The following SGCD variants were observed in gnomAD, a reference collection of about 807,000 sequenced individuals.
SGCD encodes sarcoglycan delta.
SGCD carries 18 observed loss-of-function variants against 36.6 expected under a neutral mutation model. That is an observed-to-expected ratio of 0.49 (90% CI 0.34 to 0.73). The LOEUF is 0.73. Among genes scored for constraint, SGCD ranks in the 30% least tolerant of loss-of-function variants. The probability of loss-of-function intolerance (pLI) is 0.01; values close to 1 mark genes in which losing one functional copy is unlikely to be tolerated. For missense variants in SGCD, 387 were observed against 346.7 expected, an observed-to-expected ratio of 1.12 and a Z score of -0.92; for synonymous variants, 133 against 130.6, an observed-to-expected ratio of 1.02 and a Z score of -0.12.
chr5:156,486,908 G>C (rs940114047), intron 3 of SGCD, among the ~76,000 whole-genome samples: 1 of 152,098 alleles, frequency 6.6e-6, no homozygotes, highest in Non-Finnish European at 1.5e-5. Context: ...AGGGTTCCAA[G>C]AATTGGTTCA....
At chr5:156,574,916 G>A (rs1759868296) in intron 4 of SGCD, among the ~76,000 whole-genome samples, 1 of 152,124 alleles carries the variant, frequency 6.6e-6, no homozygotes, top group Admixed American at 6.6e-5. Context: ...AAGCAACAGG[G>A]CCTCACTGAT....
chr5:156,317,940 C>T (rs905626952), intron 3 of SGCD, among the ~76,000 whole-genome samples: 1 of 152,066 alleles, frequency 6.6e-6, no homozygotes, highest in African/African-American at 2.4e-5. Flanking sequence ...AACTGTAAAC[C>T]CTTGCCAATT....
At chr5:155,858,999 T>C in the SGCD span, among the ~76,000 whole-genome samples, 1 of 151,786 alleles carries the variant, frequency 6.6e-6, no homozygotes, top group Admixed American at 6.6e-5. Flanking sequence ...ATCAGTTAAA[T>C]AGGGCATTGT....
intron 1 of SGCD, among the ~76,000 whole-genome samples, chr5:156,083,719 C>A (rs752955375): frequency 6.7e-6 from 1 of 149,646 alleles, no homozygotes; most frequent in Non-Finnish European, 1.5e-5. Flanking sequence ...TTATATTTTT[C>A]ATTTGTCTAT....
chr5:155,969,803 A>C (rs959633284), intron 1 of SGCD, among the ~76,000 whole-genome samples: 6 of 152,104 alleles, frequency 3.9e-5, no homozygotes, highest in African/African-American at 1.2e-4. Context: ...TATTGTTTAG[A>C]AAATCTTGCT....
At chr5:155,877,025 A>G (rs1407717965) in intron 1 of SGCD, among the ~76,000 whole-genome samples, 1 of 152,124 alleles carries the variant, frequency 6.6e-6, no homozygotes, top group Non-Finnish European at 1.5e-5. Flanking sequence ...TTATGGTTGT[A>G]CTGACATGCT....
chr5:156,708,279 TAAAA>T (rs35320814), intron 7 of SGCD, among the ~76,000 whole-genome samples: 106,224 of 149,018 alleles, frequency 0.71, 38,749 homozygotes, highest in African/African-American at 0.87. Flanking sequence ...AGCATTCTAT[TAAAA>T]AAAAAAAAAA....
intron 7 of SGCD, among the ~76,000 whole-genome samples, chr5:156,675,569 C>T (rs1173998536): frequency 6.6e-6 from 1 of 152,080 alleles, no homozygotes. Context: ...AAGGTATTTG[C>T]CTTTATATGA....
intron 1 of SGCD, among the ~76,000 whole-genome samples, chr5:156,088,195 G>C (rs1045511867): frequency 5.3e-5 from 8 of 152,034 alleles, no homozygotes; most frequent in Non-Finnish European, 7.4e-5. Context: ...TCCTAGATTT[G>C]AAGAAACCTG....
intron 1 of SGCD, among the ~76,000 whole-genome samples, chr5:155,948,843 G>T (rs1421773151): frequency 6.6e-6 from 1 of 152,162 alleles, no homozygotes; most frequent in Non-Finnish European, 1.5e-5. Flanking sequence ...TCTGTGTGAT[G>T]GGGTACCATC....
intron 1 of SGCD, among the ~76,000 whole-genome samples, chr5:155,911,471 A>G (rs1270304433): frequency 5.9e-5 from 9 of 151,948 alleles, no homozygotes; most frequent in African/African-American, 2.2e-4. Flanking sequence ...TAGTATTTGT[A>G]TTTCACACAC....
chr5:156,378,886 T>G (rs1433530992), intron 3 of SGCD, among the ~76,000 whole-genome samples: 1 of 152,196 alleles, frequency 6.6e-6, no homozygotes, highest in Non-Finnish European at 1.5e-5. Context: ...TTGCATATGA[T>G]AAAATATAGA....
At chr5:156,091,023 A>G (rs2127594179) in intron 1 of SGCD, among the ~76,000 whole-genome samples, 1 of 152,286 alleles carries the variant, frequency 6.6e-6, no homozygotes, top group East Asian at 1.9e-4. Context: ...GTTCAAACAC[A>G]CGTTTTGCAA....
At chr5:156,101,346 G>C (rs1343656103) in intron 1 of SGCD, among the ~76,000 whole-genome samples, 1 of 152,166 alleles carries the variant, frequency 6.6e-6, no homozygotes, top group African/African-American at 2.4e-5. Context: ...AAACCTATTT[G>C]GGTACATGCA....
intron 3 of SGCD, among the ~76,000 whole-genome samples, chr5:156,392,348 T>C (rs1460561217): frequency 2.0e-5 from 3 of 152,116 alleles, no homozygotes; most frequent in Non-Finnish European, 4.4e-5. Flanking sequence ...AACTGTGTAG[T>C]AGTGAAATGG....
chr5:155,836,612 G>C, the SGCD span, among the ~76,000 whole-genome samples: 45 of 152,244 alleles, frequency 3.0e-4, no homozygotes, highest in African/African-American at 8.9e-4. Flanking sequence ...GCCCTGTACT[G>C]ATCTGAGAGT....
chr5:156,244,279 C>T (rs1309949303), intron 3 of SGCD, among the ~76,000 whole-genome samples: 1 of 152,096 alleles, frequency 6.6e-6, no homozygotes, highest in Non-Finnish European at 1.5e-5. Context: ...AATTGAGGAA[C>T]CGTGTCCAGT....
At chr5:155,848,898 C>T in the SGCD span, among the ~76,000 whole-genome samples, 6 of 152,092 alleles carry the variant, frequency 3.9e-5, no homozygotes, top group South Asian at 2.1e-4. Flanking sequence ...AAAATATATT[C>T]GGTAAATAAT....
intron 3 of SGCD, among the ~76,000 whole-genome samples, chr5:156,280,648 T>C (rs765096251): frequency 4.6e-5 from 7 of 152,204 alleles, no homozygotes; most frequent in Non-Finnish European, 7.3e-5. Flanking sequence ...GGATGATATT[T>C]TTCTTGTTCA....
Sources: gnomAD v4.1 joint callset for allele counts (sites outside exome capture counted in the v4.1 genomes callset) on GRCh38, gnomAD v4.1.1 for gene constraint, MANE v1.5 for transcripts, NCBI Gene and HGNC (gene_info 2026-07-23, HGNC 2026-07-21) for gene names.